Variants in BORA observed in about 807,000 individuals in gnomAD.
The protein encoded by BORA is BORA aurora kinase A activator.
Under a neutral mutation model 55.8 loss-of-function variants are expected in BORA, and 26 were observed. That is an observed-to-expected ratio of 0.47 (90% CI 0.34 to 0.65). The LOEUF (loss-of-function observed/expected upper bound fraction) is 0.65. Ranked by LOEUF, BORA falls within the 30% of genes least tolerant of loss-of-function variation. The probability of loss-of-function intolerance (pLI) is 0.01; values close to 1 mark genes in which losing one functional copy is unlikely to be tolerated. For synonymous variants in BORA, 201 were observed against 216.9 expected (o/e 0.93, Z 0.64); for missense variants, 568 against 671.5 (o/e 0.85, Z 1.70).
Position 72,738,046 on chromosome 13 carries a change from G to T in BORA, c.388+3G>T. On this transcript the variant is annotated splice_donor_region_variant and intron_variant, in intron 5 of 11. Transcript: ENST00000390667. ...TTCACAATGTCATTCCAGTAAATGT[G>T]AGTGTACTAAAAATGATATGAATAA... 6.3e-7 allele frequency: 1 copy of T among 1,582,000 alleles called. No individual in the cohort carries two copies. Among genetic ancestry groups the T allele is most frequent in the South Asian group, 1.1e-5 (1 of 88,370 alleles).
At position 72,750,686 on chromosome 13, in the gene BORA, A is replaced by G. The variant is rs1042908994; in HGVS notation, c.1483-3004A>G. On this transcript the variant is annotated intron_variant, in intron 10 of 11. Coordinates refer to ENST00000390667, the MANE Select transcript of BORA (RefSeq NM_024808.5). Reference sequence around the variant, plus strand: ...CAGCATAATTATTAATATAATTATTAATAGGTATCAGTCACATGTCCTTTT... The same window carrying G: ...CAGCATAATTATTAATATAATTATTGATAGGTATCAGTCACATGTCCTTTT... 4.6e-5 allele frequency among the ~76,000 whole-genome samples: 7 copies of G among 152,136 alleles called. No homozygotes were observed. In the East Asian group the frequency reaches 1.3e-3, roughly 29 times the overall value.
At chr13:72,753,123 C>CTTA (rs2033323846) in intron 10 of BORA, 1 of 152,224 alleles carries the variant, frequency 6.6e-6, no homozygotes. Flanking sequence ...TTTAGACACT[C>CTTA]AATAAATGTT....
chr13:72,755,413 T>TAA lies in BORA; in HGVS notation c.*198_*199dup, dbSNP rs2033432362. 2 of 525,894 alleles carry TAA rather than the reference T, an allele frequency of 3.8e-6. No homozygotes were observed. Among genetic ancestry groups the TAA allele is most frequent in the Admixed American group, 6.9e-5 (2 of 28,846 alleles). The allele number at this position is 525,894 out of a possible 1,614,324, so 32.6% of individuals were successfully genotyped here. On this transcript the variant is annotated 3_prime_UTR_variant, in exon 12 of 12. Coordinates refer to ENST00000390667, the MANE Select transcript of BORA (RefSeq NM_024808.5). Reference sequence around the variant, plus strand: ...CCTGGAACTTCAAGTTGCTGAATTATAAGTTTATTTTTTATCAATAAATAT... The same window carrying TAA: ...CCTGGAACTTCAAGTTGCTGAATTATAAAAGTTTATTTTTTATCAATAAATAT...
At chr13:72,754,179 C>T (rs2033369107) in intron 11 of BORA, 1 of 173,286 alleles carries the variant, frequency 5.8e-6, no homozygotes, top group Admixed American at 6.0e-5. Flanking sequence ...TTTGTAGAGA[C>T]AGGGCCTGCT....
At chr13:72,740,409 A>T (rs1179921557) in intron 5 of BORA, among the ~76,000 whole-genome samples, 1 of 152,120 alleles carries the variant, frequency 6.6e-6, no homozygotes, top group African/African-American at 2.4e-5. Context: ...TAGACCCTTT[A>T]TAGTTCTTGA....
intron 7 of BORA, 94 bp from the exon 8 acceptor site, chr13:72,744,887 A>G (rs1423433271): frequency 7.7e-6 from 9 of 1,162,498 alleles, no homozygotes; most frequent in Admixed American, 2.3e-5. Context: ...AAATTCAAAC[A>G]TAGTGCATGC....
intron 2 of BORA, among the ~76,000 whole-genome samples, chr13:72,730,236 A>G (rs962715906): frequency 6.6e-6 from 1 of 152,212 alleles, no homozygotes; most frequent in Non-Finnish European, 1.5e-5. Flanking sequence ...TACAATGAGC[A>G]AGTATGTACT....
intron 2 of BORA, among the ~76,000 whole-genome samples, chr13:72,729,473 A>G (rs967195400): frequency 1.3e-5 from 2 of 152,192 alleles, no homozygotes; most frequent in South Asian, 2.1e-4. Flanking sequence ...CTAAGCAGGG[A>G]TTACACTGTG....
At chr13:72,747,421 A>C (rs1004727979) in intron 10 of BORA, among the ~76,000 whole-genome samples, 1 of 152,184 alleles carries the variant, frequency 6.6e-6, no homozygotes, top group Non-Finnish European at 1.5e-5. Context: ...TCACTGTTTC[A>C]TGTGGATCCA....
Position 72,755,198 on chromosome 13 carries a change from T to G in BORA, c.1662T>G (p.Phe554Leu). The change falls in exon 12 of 12, where the codon TTT (phenylalanine) becomes TTG (leucine). Residue 554 changes from phenylalanine (F) to leucine (L), a missense_variant. Physicochemically the swap from Phe to Leu is conservative, Grantham distance 22. Coordinates refer to ENST00000390667, the MANE Select transcript of BORA (RefSeq NM_024808.5). The stretch of plus-strand genomic sequence containing the variant: ...GTTGGATGAAAACAGCAAGCCCTTT[T>G]CAATGCAGCAGTCCATAGAATGCCT... ...QRCWMKTASPFQCSSP is the reference protein window; with the variant it reads ...QRCWMKTASPLQCSSP The G allele has an allele frequency of 1.2e-6, 2 of 1,613,502 alleles. No individual in the cohort carries two copies. The highest frequency in any genetic ancestry group is 1.3e-5 in the African/African-American group (1 of 75,040).
intron 5 of BORA, among the ~76,000 whole-genome samples, chr13:72,740,472 G>A (rs907524568): frequency 4.6e-5 from 7 of 152,080 alleles, no homozygotes; most frequent in Non-Finnish European, 1.0e-4. Context: ...TAAAAATGGA[G>A]TTCCCCATTC....
chr13:72,736,805 A>T (rs1209804738), intron 4 of BORA, among the ~76,000 whole-genome samples: 1 of 151,806 alleles, frequency 6.6e-6, no homozygotes, highest in Non-Finnish European at 1.5e-5. Flanking sequence ...TTGATTTTCC[A>T]TATCTCCAAT....
Position 72,753,799 on chromosome 13 carries a change from A to C in BORA, c.1592A>C (p.Lys531Thr). 6.2e-7 allele frequency: 1 copy of C among 1,613,126 alleles called. No homozygotes were observed. The highest frequency in any genetic ancestry group is 8.5e-7 in the Non-Finnish European group (1 of 1,179,302). Residue 531 changes from lysine (K) to threonine (T), a missense_variant, in exon 11 of 12, where the codon AAA becomes ACA. By Grantham distance (78) the Lys-to-Thr change is moderately conservative. Transcript: ENST00000390667. The stretch of plus-strand genomic sequence containing the variant: ...GCACAAACATGTGAAGTTGAGAGTA[A>C]ATCTCAAGCATTTAATATGAAGGTA... ...SDAQTCEVES[K>T]SQAFNMKQDH...
chr13:72,736,004 C>T (rs868240367), intron 4 of BORA, among the ~76,000 whole-genome samples: 1 of 151,998 alleles, frequency 6.6e-6, no homozygotes, highest in Non-Finnish European at 1.5e-5. Flanking sequence ...CCCCTCTAGC[C>T]CCCTCAACCC....
In BORA at chr13:72,743,715, T is replaced by TA. The variant is rs2033083582; in HGVS notation, c.454+113_454+114insA. 5.0e-6 allele frequency: 4 copies of TA among 797,320 alleles called. No homozygotes were observed. In the Admixed American group the frequency reaches 1.4e-4, roughly 29 times the overall value. 49.4% of individuals were successfully genotyped at this position (797,320 alleles called of 1,614,324 possible). On this transcript the variant is annotated intron_variant, in intron 6 of 11. Coordinates refer to ENST00000390667, the MANE Select transcript of BORA (RefSeq NM_024808.5). ...CTGGAATTGAAATTGTTTCCTTTTT[T>TA]TTTTTTTAATTTATTTTTGTTTTTT... is the stretch of plus-strand genomic sequence containing the variant.
intron 10 of BORA, among the ~76,000 whole-genome samples, chr13:72,751,283 A>G (rs778324945): frequency 6.6e-6 from 1 of 152,200 alleles, no homozygotes; most frequent in Non-Finnish European, 1.5e-5. Flanking sequence ...CAGTATGTCA[A>G]AGAGATACCT....
At position 72,728,049 on chromosome 13, in the gene BORA, G is replaced by T. The variant is rs1272154251; in HGVS notation, c.-16+42G>T. On this transcript the variant is annotated intron_variant, in intron 1 of 11. Coordinates refer to ENST00000390667, the MANE Select transcript of BORA (RefSeq NM_024808.5). The stretch of plus-strand genomic sequence containing the variant: ...TGGTCCCTGGCCTTTCCTCCTGTCT[G>T]AATGGAGAGGTTTCTTTTCCCAGCT... 5 of 1,550,192 alleles carry T rather than the reference G, an allele frequency of 3.2e-6. No homozygotes were observed. The South Asian group carries it at 5.9e-5, about 18-fold the overall frequency.
intron 5 of BORA, among the ~76,000 whole-genome samples, chr13:72,741,400 T>G (rs1344027970): frequency 1.3e-5 from 2 of 152,252 alleles, no homozygotes; most frequent in Non-Finnish European, 2.9e-5. Context: ...TAATGACCTT[T>G]TACATTTCAT....
intron 10 of BORA, among the ~76,000 whole-genome samples, chr13:72,749,393 G>A (rs1652892368): frequency 6.6e-6 from 1 of 152,056 alleles, no homozygotes; most frequent in Non-Finnish European, 1.5e-5. Context: ...CTTACAGTCT[G>A]TAAACTTACT....
Sources: gnomAD v4.1 joint callset for allele counts (sites outside exome capture counted in the v4.1 genomes callset) on GRCh38, gnomAD v4.1.1 for gene constraint, MANE v1.5 for transcripts, NCBI Gene and HGNC (gene_info 2026-07-23, HGNC 2026-07-21) for gene names.